STIP1: variants seen among roughly 807,000 people sequenced by gnomAD.
The protein encoded by STIP1 is stress-induced-phosphoprotein 1.
STIP1 carries 16 observed loss-of-function variants against 77.4 expected under a neutral mutation model. The ratio of observed to expected loss-of-function variants is 0.21; its 90% CI spans 0.14 to 0.31. The LOEUF is 0.31. Among genes scored for constraint, STIP1 ranks in the 10% least tolerant of loss-of-function variants. The pLI is 1.00. For synonymous variants in STIP1, 258 were observed against 246.6 expected (o/e 1.05, Z -0.44); for missense variants, 524 against 684.8 (o/e 0.77, Z 2.62).
chr11:64,185,760 C>A, upstream of STIP1: 2 of 1,522,432 alleles, frequency 1.3e-6, no homozygotes, highest in South Asian at 1.2e-5. Context: ...TTAAACCAAT[C>A]AGCGCAAAGA....
upstream of STIP1, chr11:64,185,570 TG>T (rs1194426429): frequency 3.7e-6 from 2 of 543,340 alleles, no homozygotes; most frequent in African/African-American, 1.9e-5. Flanking sequence ...GGCGAAGGGC[TG>T]GGGCCCTGTG....
chr11:64,186,818 C>T (rs1265499012), intron 1 of STIP1, among the ~76,000 whole-genome samples: 1 of 152,216 alleles, frequency 6.6e-6, no homozygotes, highest in African/African-American at 2.4e-5. Context: ...GCAAATGTTA[C>T]TCTTCTACAT....
chr11:64,191,037 A>T (rs1946086791), intron 1 of STIP1, among the ~76,000 whole-genome samples: 1 of 151,948 alleles, frequency 6.6e-6, no homozygotes, highest in Non-Finnish European at 1.5e-5. Flanking sequence ...AAAATACAAA[A>T]TTAGACGGAT....
chr11:64,199,429 C>T (rs1445377908), intron 8 of STIP1, among the ~76,000 whole-genome samples: 4 of 140,252 alleles, frequency 2.9e-5, no homozygotes, highest in Non-Finnish European at 6.2e-5. Context: ...TGGCGTTGAA[C>T]CCGGGAGGCA....
intron 2 of STIP1, chr11:64,193,497 G>GC (rs1946114971): frequency 3.5e-6 from 2 of 575,498 alleles, no homozygotes; most frequent in Non-Finnish European, 3.1e-6. Context: ...GAAGGAAGAG[G>GC]CCAGGGCTGG....
intron 13 of STIP1, 136 bp downstream of exon 13, chr11:64,203,758 T>C: frequency 8.6e-7 from 1 of 1,166,198 alleles, no homozygotes; most frequent in South Asian, 1.4e-5. Context: ...TTAAGGAGAT[T>C]GGCAGTGGGT....
chr11:64,192,052 C>A (rs1946099088), intron 1 of STIP1, among the ~76,000 whole-genome samples: 1 of 152,108 alleles, frequency 6.6e-6, no homozygotes, highest in Admixed American at 6.5e-5. Context: ...GTGGCTCACA[C>A]CTGTAATCCC....
intron 2 of STIP1, among the ~76,000 whole-genome samples, chr11:64,193,629 C>T (rs554965379): frequency 6.6e-6 from 1 of 152,002 alleles, no homozygotes; most frequent in Admixed American, 6.6e-5. Flanking sequence ...ACTAAAAATG[C>T]AAAAAAATTT....
chr11:64,185,884 G>C, upstream of STIP1: 1 of 1,536,154 alleles, frequency 6.5e-7, no homozygotes, highest in Non-Finnish European at 8.7e-7. Flanking sequence ...GAACCAATGG[G>C]CGCGGCCAGC....
chr11:64,190,001 C>CTTTTTTTTTTTTTTTTT (rs149110413), intron 1 of STIP1, among the ~76,000 whole-genome samples: 2 of 147,462 alleles, frequency 1.4e-5, no homozygotes, highest in Non-Finnish European at 1.5e-5. Flanking sequence ...AATCATTTCT[C>CTTTTTTTTTTTTTTTTT]TCTTTTTTTT....
At chr11:64,194,015 A>T (rs767655765) in intron 2 of STIP1, among the ~76,000 whole-genome samples, 174 bp from the exon 3 acceptor site, 2 of 152,174 alleles carry the variant, frequency 1.3e-5, no homozygotes, top group Admixed American at 6.5e-5. Context: ...ATTTGGATGG[A>T]TCCTTACAGT....
chr11:64,185,588 G>A (rs1039468073), upstream of STIP1: 2 of 569,822 alleles, frequency 3.5e-6, no homozygotes, highest in Admixed American at 3.1e-5. Context: ...TGTGCCGCTG[G>A]CGATCCCGGG....
intron 1 of STIP1, 45 bp from the exon 2 acceptor site, chr11:64,193,033 T>G: frequency 3.8e-6 from 6 of 1,586,168 alleles, no homozygotes; most frequent in Non-Finnish European, 5.2e-6. Context: ...AGCTTGGGAT[T>G]AAATGGGCAC....
At chr11:64,197,217 T>C in intron 5 of STIP1, 54 bp from the exon 6 acceptor site, 1 of 1,601,524 alleles carries the variant, frequency 6.2e-7, no homozygotes, top group Non-Finnish European at 8.5e-7. Context: ...CATAGATTCT[T>C]GCTTTGTCAC....
At chr11:64,186,126 C>T, upstream of STIP1, 2 of 1,550,770 alleles carry the variant, frequency 1.3e-6, no homozygotes, top group African/African-American at 1.4e-5. Context: ...TAGAAGAACT[C>T]GACCAGTGAG....
At chr11:64,201,504 C>G (rs1946219526) in intron 10 of STIP1, among the ~76,000 whole-genome samples, 1 of 152,210 alleles carries the variant, frequency 6.6e-6, no homozygotes, top group Admixed American at 6.5e-5. Flanking sequence ...CCTCTCGAAT[C>G]TCAGCCACCC....
At chr11:64,189,358 CAAAA>C (rs879351379) in intron 1 of STIP1, among the ~76,000 whole-genome samples, 2 of 145,770 alleles carry the variant, frequency 1.4e-5, no homozygotes, top group Admixed American at 6.8e-5. Context: ...GACTCCGTCT[CAAAA>C]AAAAAAAATA....
chr11:64,185,691 A>G (rs1946003390), upstream of STIP1: 2 of 1,256,278 alleles, frequency 1.6e-6, no homozygotes, highest in Non-Finnish European at 2.2e-6. Context: ...CCCCGACTGC[A>G]GCCGGTACTC....
At chr11:64,195,959 CTTGAACTT>C in intron 5 of STIP1, 146 bp downstream of exon 5, 2 of 1,187,450 alleles carry the variant, frequency 1.7e-6, no homozygotes, top group Non-Finnish European at 2.4e-6. Flanking sequence ...CCAGGTTGGT[CTTGAACTT>C]CTGGCCTCAA....
Sources: gnomAD v4.1 joint callset for allele counts (sites outside exome capture counted in the v4.1 genomes callset) on GRCh38, gnomAD v4.1.1 for gene constraint, MANE v1.5 for transcripts, NCBI Gene and HGNC (gene_info 2026-07-23, HGNC 2026-07-21) for gene names.